Variants in LRRC7 observed in about 807,000 individuals in gnomAD.
LRRC7 encodes the protein leucine-rich repeat-containing protein 7.
LRRC7 carries 23 observed loss-of-function variants against 175.7 expected under a neutral mutation model. That is an observed-to-expected ratio of 0.13 (90% CI 0.09 to 0.19). LRRC7 has a LOEUF of 0.19. Among genes scored for constraint, LRRC7 ranks in the 10% least tolerant of loss-of-function variants. The pLI, the probability that LRRC7 is intolerant of heterozygous loss-of-function variation, is 1.00. For missense variants in LRRC7, 1,354 were observed against 1,904.7 expected, an observed-to-expected ratio of 0.71 and a Z score of 5.38; for synonymous variants, 685 against 680.9, an observed-to-expected ratio of 1.01 and a Z score of -0.09.
chr1:70,129,533 TG>T lies in LRRC7; in HGVS notation c.*7653del, dbSNP rs576220036. On this transcript the variant is annotated 3_prime_UTR_variant, in exon 27 of 27. Coordinates refer to ENST00000651989, the MANE Select transcript of LRRC7 (RefSeq NM_001370785.2). ...ATGGAATTCAACACTTTAAAAAGTG[TG>T]GGGGGGTTGCTTGAAAAGAGTCTTC... Among the ~76,000 whole-genome samples the T allele has an allele frequency of 3.9e-5, 6 of 152,028 alleles. No individual in the cohort carries two copies. In the East Asian group the frequency reaches 5.8e-4, roughly 15 times the overall value.
Position 70,039,035 on chromosome 1 carries a change from A to T in LRRC7, c.3211A>T (p.Ser1071Cys), listed in dbSNP as rs754697856. ...MTKKVYQFDQ[S>C]FNPQGSVEVK... ...AAAAAAAGTCTATCAGTTTGACCAA[A>T]GCTTCAATCCTCAAGGATCAGTGGA... Residue 1071 changes from serine to cysteine, a missense_variant, in exon 21 of 27, where the codon AGC becomes TGC. Transcript: ENST00000651989. 1.2e-6 allele frequency: 2 copies of T among 1,614,108 alleles called. No individual in the cohort carries two copies. The highest frequency in any genetic ancestry group is 4.5e-5 in the East Asian group (2 of 44,824).
At chr1:69,968,968 G>A (rs774822294) in intron 8 of LRRC7, among the ~76,000 whole-genome samples, 20 of 151,774 alleles carry the variant, frequency 1.3e-4, no homozygotes, top group African/African-American at 3.9e-4. Flanking sequence ...ACAGGTGCCC[G>A]CCACCACACC....
At chr1:69,836,026 A>G (rs935623128) in intron 6 of LRRC7, among the ~76,000 whole-genome samples, 5 of 152,006 alleles carry the variant, frequency 3.3e-5, no homozygotes, top group Non-Finnish European at 7.4e-5. Context: ...TAACTAGGAC[A>G]TTTTTAAGTT....
intron 1 of LRRC7, among the ~76,000 whole-genome samples, chr1:69,617,668 G>A (rs956108492): frequency 4.0e-5 from 6 of 151,390 alleles, no homozygotes; most frequent in South Asian, 2.1e-4. Context: ...TACGGTAGTC[G>A]GTTAGTATAA....
At chr1:70,034,130 A>C (rs184897918) in intron 18 of LRRC7, among the ~76,000 whole-genome samples, 2 of 152,240 alleles carry the variant, frequency 1.3e-5, no homozygotes, top group Admixed American at 1.3e-4. Context: ...ATTTTTTGGC[A>C]AGTCAGCATA....
At chr1:69,599,662 C>A (rs941265235) in intron 1 of LRRC7, among the ~76,000 whole-genome samples, 1 of 152,172 alleles carries the variant, frequency 6.6e-6, no homozygotes, top group African/African-American at 2.4e-5. Context: ...TTCCTTGGTT[C>A]TGGGATGGCA....
intron 7 of LRRC7, among the ~76,000 whole-genome samples, chr1:69,925,617 G>A (rs529644709): frequency 5.1e-4 from 78 of 152,180 alleles, no homozygotes; most frequent in Non-Finnish European, 9.9e-4. Context: ...TCTGATGGTA[G>A]TTTGTATTTC....
At chr1:69,639,257 A>G (rs1179223750) in intron 1 of LRRC7, among the ~76,000 whole-genome samples, 56 of 151,904 alleles carry the variant, frequency 3.7e-4, no homozygotes, top group Non-Finnish European at 1.5e-5. Context: ...TGTTTCAGCC[A>G]CAATAACCAA....
chr1:69,691,476 G>GA (rs964521682), intron 2 of LRRC7, among the ~76,000 whole-genome samples: 32 of 151,664 alleles, frequency 2.1e-4, no homozygotes, highest in Non-Finnish European at 4.0e-4. Flanking sequence ...AATAAAGTTT[G>GA]AAAAAAATAA....
intron 1 of LRRC7, among the ~76,000 whole-genome samples, chr1:69,654,853 G>C (rs981345538): frequency 6.6e-6 from 1 of 152,134 alleles, no homozygotes; most frequent in South Asian, 2.1e-4. Context: ...TAACAAACTG[G>C]CTGTGCTTCT....
intron 4 of LRRC7, among the ~76,000 whole-genome samples, chr1:69,804,761 C>A (rs1279236669): frequency 6.6e-6 from 1 of 151,556 alleles, no homozygotes; most frequent in Non-Finnish European, 1.5e-5. Context: ...AAATAAAACT[C>A]CTATGTGCAT....
intron 7 of LRRC7, among the ~76,000 whole-genome samples, chr1:69,867,352 G>C (rs1427695702): frequency 6.6e-6 from 1 of 152,154 alleles, no homozygotes; most frequent in Non-Finnish European, 1.5e-5. Context: ...AGAAAACTCA[G>C]GCTGATTCGC....
At chr1:69,718,496 G>T (rs1665992977) in intron 2 of LRRC7, among the ~76,000 whole-genome samples, 1 of 151,786 alleles carries the variant, frequency 6.6e-6, no homozygotes, top group Non-Finnish European at 1.5e-5. Context: ...CAAAATGGGG[G>T]ATGATCACAG....
intron 3 of LRRC7, among the ~76,000 whole-genome samples, chr1:69,789,098 C>G (rs1674822990): frequency 6.6e-6 from 1 of 151,764 alleles, no homozygotes; most frequent in Admixed American, 6.6e-5. Flanking sequence ...TTCTTTTTGT[C>G]AGCTCTTAGA....
At chr1:69,975,333 A>G (rs181378428) in intron 8 of LRRC7, among the ~76,000 whole-genome samples, 4 of 152,008 alleles carry the variant, frequency 2.6e-5, no homozygotes, top group Admixed American at 6.6e-5. Context: ...ACCTTAGCCA[A>G]CTCTCCCCAG....
At chr1:69,959,271 G>T (rs148587182) in intron 8 of LRRC7, among the ~76,000 whole-genome samples, 1 of 152,242 alleles carries the variant, frequency 6.6e-6, no homozygotes, top group African/African-American at 2.4e-5. Flanking sequence ...GAAACAGTTT[G>T]CTAAGTGATG....
chr1:69,933,926 C>T (rs924183607), intron 8 of LRRC7, among the ~76,000 whole-genome samples: 2 of 152,022 alleles, frequency 1.3e-5, no homozygotes, highest in Non-Finnish European at 2.9e-5. Context: ...GTCTCTTTTT[C>T]TATTTTCTTA....
At chr1:69,841,701 T>A (rs558994657) in intron 7 of LRRC7, among the ~76,000 whole-genome samples, 1 of 152,228 alleles carries the variant, frequency 6.6e-6, no homozygotes, top group African/African-American at 2.4e-5. Context: ...ACAGTATGAG[T>A]GCCATTAATG....
chr1:69,873,569 TG>T, intron 7 of LRRC7: 1 of 515,634 alleles, frequency 1.9e-6, no homozygotes, highest in Non-Finnish European at 4.0e-6. Context: ...GCACCAGAAA[TG>T]GCAGCATCAG....
Sources: allele counts gnomAD v4.1 joint callset (sites outside exome capture counted in the v4.1 genomes callset), GRCh38; gene constraint gnomAD v4.1.1; transcripts MANE v1.5; gene names NCBI Gene and HGNC (gene_info 2026-07-23, HGNC 2026-07-21).